Variants in CMIP observed in about 807,000 individuals in gnomAD.
The protein encoded by CMIP is c-Maf inducing protein.
Under a neutral mutation model 97.3 loss-of-function variants are expected in CMIP, and 13 were observed. That is an observed-to-expected ratio of 0.13 (90% CI 0.09 to 0.21). The LOEUF (loss-of-function observed/expected upper bound fraction) is 0.21. CMIP is among the 10% of genes least tolerant of loss of function. The pLI is 1.00. For missense variants in CMIP, 847 were observed against 1,024.9 expected (o/e 0.83, Z 2.37); for synonymous variants, 538 against 436.3 (o/e 1.23, Z -2.91).
At chr16:81,632,076 G>T (rs1429418333) in intron 3 of CMIP, 1 of 152,166 alleles carries the variant, frequency 6.6e-6, no homozygotes, top group Non-Finnish European at 1.5e-5. Context: ...GACAAAATGT[G>T]CATGCCCTAA....
chr16:81,498,895 G>A (rs1253565179), intron 1 of CMIP, among the ~76,000 whole-genome samples: 2 of 152,104 alleles, frequency 1.3e-5, no homozygotes, highest in Admixed American at 6.5e-5. Context: ...CCAGCTGTGC[G>A]ACCACTCACC....
intron 3 of CMIP, among the ~76,000 whole-genome samples, chr16:81,637,700 T>G (rs1597177375): frequency 6.6e-6 from 1 of 152,048 alleles, no homozygotes; most frequent in Non-Finnish European, 1.5e-5. Flanking sequence ...TGCAGGCTGG[T>G]GGGGGAGGCA....
chr16:81,628,261 C>G (rs1424704893), intron 3 of CMIP, among the ~76,000 whole-genome samples: 3 of 152,162 alleles, frequency 2.0e-5, no homozygotes, highest in South Asian at 4.1e-4. Context: ...CTCCTAGTGT[C>G]CTAGAGATGT....
chr16:81,687,645 T>A (rs1382444717), intron 10 of CMIP, among the ~76,000 whole-genome samples: 3 of 151,966 alleles, frequency 2.0e-5, no homozygotes, highest in Non-Finnish European at 4.4e-5. Flanking sequence ...GTCTGTAAAA[T>A]GGGGGTTGTC....
intron 2 of CMIP, among the ~76,000 whole-genome samples, chr16:81,617,911 G>T (rs942176185): frequency 1.3e-5 from 2 of 152,200 alleles, no homozygotes; most frequent in Non-Finnish European, 2.9e-5. Context: ...GCACTTTGGC[G>T]GGGCCAGTGG....
chr16:81,688,387 G>C (rs912495874), intron 10 of CMIP, among the ~76,000 whole-genome samples: 1 of 152,224 alleles, frequency 6.6e-6, no homozygotes, highest in African/African-American at 2.4e-5. Context: ...GATCACAGCC[G>C]TGGCCTTTCA....
chr16:81,709,850 T>C lies in CMIP; in HGVS notation c.*51T>C. 2 of 1,584,236 alleles carry C rather than the reference T, an allele frequency of 1.3e-6. No homozygotes were observed. Among genetic ancestry groups the C allele is most frequent in the Non-Finnish European group, 8.6e-7 (1 of 1,162,090 alleles). Reference sequence around the variant, plus strand: ...GTTTGCAACCGCGACAAAATAACTCTTGACTAACAGCCGCAGAGCAGCCGG... The same window carrying C: ...GTTTGCAACCGCGACAAAATAACTCCTGACTAACAGCCGCAGAGCAGCCGG... On this transcript the variant is annotated 3_prime_UTR_variant, in exon 21 of 21. Coordinates refer to ENST00000537098, the MANE Select transcript of CMIP (RefSeq NM_198390.3).
chr16:81,667,799 A>AGAGAGAGAGAGAGAGAGAGAGTGT, intron 7 of CMIP, among the ~76,000 whole-genome samples: 11 of 58,138 alleles, frequency 1.9e-4, no homozygotes, highest in East Asian at 1.3e-3. Flanking sequence ...AGAGAGAGAG[A>AGAGAGAGAGAGAGAGAGAGAGTGT]GTGTGTGTGT....
chr16:81,503,375 T>A (rs2089647242), intron 1 of CMIP, among the ~76,000 whole-genome samples: 1 of 152,160 alleles, frequency 6.6e-6, no homozygotes, highest in Non-Finnish European at 1.5e-5. Flanking sequence ...GCCTGCCTAG[T>A]CCCAGATACC....
intron 1 of CMIP, among the ~76,000 whole-genome samples, chr16:81,487,886 G>C (rs553839123): frequency 1.3e-5 from 2 of 152,142 alleles, no homozygotes; most frequent in African/African-American, 4.8e-5. Context: ...AGGATGTTCC[G>C]GCTCTGCAAA....
At chr16:81,678,701 GTGTT>G in intron 10 of CMIP, 73 bp downstream of exon 10, 3 of 705,914 alleles carry the variant, frequency 4.2e-6, no homozygotes, top group Non-Finnish European at 7.2e-6. Flanking sequence ...GGGTGCGGCT[GTGTT>G]TGTTGGTTCG....
At chr16:81,478,401 A>G (rs1908060240) in intron 1 of CMIP, among the ~76,000 whole-genome samples, 1 of 152,190 alleles carries the variant, frequency 6.6e-6, no homozygotes, top group Non-Finnish European at 1.5e-5. Context: ...GGCGTCCTGT[A>G]TGGAGAGGAG....
At chr16:81,685,731 C>CT (rs1366680039) in intron 10 of CMIP, among the ~76,000 whole-genome samples, 4 of 138,418 alleles carry the variant, frequency 2.9e-5, no homozygotes, top group Admixed American at 2.1e-4. Context: ...TTTTTTTTAA[C>CT]TTTTTTTTTC....
intron 1 of CMIP, among the ~76,000 whole-genome samples, chr16:81,526,563 G>A (rs2090138017): frequency 6.6e-6 from 1 of 152,204 alleles, no homozygotes. Context: ...TACTCCATTG[G>A]AAATTTTAAG....
chr16:81,690,922 T>A (rs1342610569), intron 10 of CMIP, among the ~76,000 whole-genome samples: 1 of 152,100 alleles, frequency 6.6e-6, no homozygotes, highest in Non-Finnish European at 1.5e-5. Context: ...TAGGACTGTG[T>A]CTCAAATAAT....
In CMIP at chr16:81,698,750, T is replaced by G. The variant is rs146264756; in HGVS notation, c.1639-935T>G. ...TCCGAAACTGAAACTCAGCATCCAT[T>G]ACACACTGACTCCCCCTTCCTCCCG... On this transcript the variant is annotated intron_variant, in intron 14 of 20. Coordinates refer to ENST00000537098, the MANE Select transcript of CMIP (RefSeq NM_198390.3). Among the ~76,000 whole-genome samples the G allele has an allele frequency of 1.4e-3, 210 of 152,274 alleles. 1 individual carries two copies. Among genetic ancestry groups the G allele is most frequent in the African/African-American group, 4.7e-3 (197 of 41,562 alleles).
chr16:81,702,937 G>A (rs1907583276), intron 17 of CMIP, among the ~76,000 whole-genome samples: 1 of 152,158 alleles, frequency 6.6e-6, no homozygotes. Context: ...TGGAATAATA[G>A]CAGATATACC....
chr16:81,700,998 T>C (rs1047289), intron 15 of CMIP, among the ~76,000 whole-genome samples: 75,044 of 151,748 alleles, frequency 0.49, 18,853 homozygotes, highest in African/African-American at 0.53. Flanking sequence ...AGTGAGAAGT[T>C]CTAGAACTGA....
chr16:81,545,277 C>A (rs188078621), intron 1 of CMIP, among the ~76,000 whole-genome samples: 2 of 152,186 alleles, frequency 1.3e-5, no homozygotes, highest in Non-Finnish European at 2.9e-5. Context: ...GGATTTGCTG[C>A]GCTTCTAGAG....
Sources: gnomAD v4.1 joint callset for allele counts (sites outside exome capture counted in the v4.1 genomes callset) on GRCh38, gnomAD v4.1.1 for gene constraint, MANE v1.5 for transcripts, NCBI Gene and HGNC (gene_info 2026-07-23, HGNC 2026-07-21) for gene names.